Variants in PRAG1 observed in about 807,000 individuals in gnomAD.
The protein encoded by PRAG1 is PEAK1 related, kinase-activating pseudokinase 1.
A neutral mutation model predicts 95.6 loss-of-function variants in PRAG1; 110 were observed. The ratio of observed to expected loss-of-function variants is 1.15; its 90% CI spans 0.99 to 1.35. The LOEUF is 1.35. PRAG1 is among the 40% of genes most tolerant of loss of function. The pLI is 0.00. For missense variants in PRAG1, 2,554 were observed against 1,864.7 expected, an observed-to-expected ratio of 1.37 and a Z score of -6.81; for synonymous variants, 1,052 against 819.4, an observed-to-expected ratio of 1.28 and a Z score of -4.85.
chr8:8,321,490 G>A (rs909479269), intron 5 of PRAG1, among the ~76,000 whole-genome samples: 2 of 152,184 alleles, frequency 1.3e-5, no homozygotes, highest in East Asian at 1.9e-4. Flanking sequence ...TTGCATATAC[G>A]CTGTGTTGTC....
At chr8:8,319,478 T>G (rs891454325) in intron 5 of PRAG1, among the ~76,000 whole-genome samples, 176 bp from the exon 6 acceptor site, 1 of 152,088 alleles carries the variant, frequency 6.6e-6, no homozygotes, top group African/African-American at 2.4e-5. Flanking sequence ...AGGCCTTGGG[T>G]TGGGCAAAGA....
intron 3 of PRAG1, among the ~76,000 whole-genome samples, chr8:8,357,854 T>C (rs1490037520): frequency 6.6e-6 from 1 of 152,190 alleles, no homozygotes; most frequent in African/African-American, 2.4e-5. Flanking sequence ...GAAAAACAAA[T>C]TCAGTTCCTC....
rs201657603 is a variant in PRAG1, at chr8:8,328,199, G to T, written c.2583C>A (p.His861Gln). The change falls in exon 5 of 6, where the codon CAC becomes CAA. Residue 861 changes from histidine to glutamine, a missense_variant. By Grantham distance (24) the His-to-Gln change is conservative. Coordinates refer to ENST00000615670, the MANE Select transcript of PRAG1 (RefSeq NM_001080826.3). ...TCCCGGGGCTCAACGAATAGCTAAA[G>T]TGAGATTCGTCGTGGACGTTGGTTT... ...HSETNVHDES[H>Q]FSYSLSPGNR... 3.7e-4 allele frequency: 592 copies of T among 1,614,130 alleles called. 1 individual carries two copies. The highest frequency in any genetic ancestry group is 4.6e-4 in the Non-Finnish European group (543 of 1,180,056).
intron 3 of PRAG1, among the ~76,000 whole-genome samples, chr8:8,367,348 C>G: frequency 6.6e-6 from 1 of 150,842 alleles, no homozygotes; most frequent in Admixed American, 6.6e-5. Context: ...ATCCCAGCTA[C>G]TCGGGAGGAT....
chr8:8,376,738 C>T lies in PRAG1; in HGVS notation c.1671G>A (p.Pro557=), dbSNP rs749062047. 3.3e-5 allele frequency: 53 copies of T among 1,609,716 alleles called. No individual in the cohort carries two copies. The highest frequency in any genetic ancestry group is 2.5e-4 in the Admixed American group (15 of 59,990). The change falls in exon 3 of 6, where the codon CCG becomes CCA. Residue 557 remains proline, a synonymous_variant. Transcript: ENST00000615670. ...GGGGCCCTCCAGCAGACGGTGACACCGGGGACCCTACAGGGCTACTCTTGG... is the reference window on the plus strand; with the variant it reads ...GGGGCCCTCCAGCAGACGGTGACACTGGGGACCCTACAGGGCTACTCTTGG... ...KLSKSSPVGS[P]VSPSAGGPPV...
At chr8:8,361,816 A>C (rs1477967855) in intron 3 of PRAG1, among the ~76,000 whole-genome samples, 1 of 152,226 alleles carries the variant, frequency 6.6e-6, no homozygotes, top group Non-Finnish European at 1.5e-5. Flanking sequence ...TGAAGCAACA[A>C]TACTTAATCA....
At chr8:8,349,601 G>C (rs901891171) in intron 3 of PRAG1, among the ~76,000 whole-genome samples, 1 of 151,994 alleles carries the variant, frequency 6.6e-6, no homozygotes, top group Non-Finnish European at 1.5e-5. Flanking sequence ...TATTTTTATC[G>C]TTGGAGCTTT....
rs1044727133 is a variant in PRAG1, at chr8:8,327,632, A to C, written c.3072+78T>G. On this transcript the variant is annotated intron_variant, in intron 5 of 5. Coordinates refer to ENST00000615670, the MANE Select transcript of PRAG1 (RefSeq NM_001080826.3). ...TCCTAATGCCCAGACAGGTGAAATGACTTGCTCAGGCCACAGTTCTGCCCA... is the reference window on the plus strand; with the variant it reads ...TCCTAATGCCCAGACAGGTGAAATGCCTTGCTCAGGCCACAGTTCTGCCCA... The C allele has an allele frequency of 1.1e-5, 16 of 1,479,804 alleles. No homozygotes were observed. The Admixed American group carries it at 3.4e-4, about 31-fold the overall frequency. The allele number at this position is 1,479,804 out of a possible 1,614,324, so 91.7% of individuals were successfully genotyped here. A position where few individuals can be genotyped will look rare whatever the true frequency, so the allele number is the denominator to read the frequency against.
Position 8,381,415 on chromosome 8 carries a change from C to A in PRAG1, c.330+3G>T, listed in dbSNP as rs762724628. 6.2e-7 allele frequency: 1 copy of A among 1,601,670 alleles called. No individual in the cohort carries two copies. The highest frequency in any genetic ancestry group is 8.5e-7 in the Non-Finnish European group (1 of 1,170,102). On this transcript the variant is annotated splice_donor_region_variant and intron_variant, in intron 2 of 5. Coordinates refer to ENST00000615670, the MANE Select transcript of PRAG1 (RefSeq NM_001080826.3). The stretch of plus-strand genomic sequence containing the variant: ...AAATACCACGAGTGTTAGTCAGCCT[C>A]ACCTGCGAGACTTCGGCACTCAGGT...
intron 3 of PRAG1, among the ~76,000 whole-genome samples, chr8:8,349,876 G>C (rs1180988932): frequency 4.6e-5 from 7 of 151,066 alleles, no homozygotes; most frequent in Non-Finnish European, 1.0e-4. Context: ...TTCATATTCA[G>C]TAGAAACCAT....
At chr8:8,355,831 G>C (rs747551024) in intron 3 of PRAG1, among the ~76,000 whole-genome samples, 1 of 152,096 alleles carries the variant, frequency 6.6e-6, no homozygotes, top group African/African-American at 2.4e-5. Context: ...TATGAGAAAA[G>C]AACATAGGAA....
intron 1 of PRAG1, among the ~76,000 whole-genome samples, chr8:8,383,040 A>T (rs1800736040): frequency 6.6e-6 from 1 of 152,224 alleles, no homozygotes; most frequent in African/African-American, 2.4e-5. Context: ...GGTTCTCATT[A>T]AATAGGGACC....
Position 8,318,189 on chromosome 8 carries a change from G to C in PRAG1, c.4186C>G (p.Leu1396Val). The change falls in exon 6 of 6, where the codon CTC becomes GTC. Residue 1396 changes from leucine to valine, a missense_variant. Coordinates refer to ENST00000615670, the MANE Select transcript of PRAG1 (RefSeq NM_001080826.3). This position sits in a 1 kb window ranked among gnomAD's most constrained non-coding sequence, Gnocchi z 4.2. ...QYLASAEPGA[L>V]LQSLKLLQLL ...TGCAGGAGCTTCAGCGACTGTAAGA[G>C]GGCCCCGGGCTCCGCAGACGCCAGG... The C allele has an allele frequency of 6.2e-7, 1 of 1,613,934 alleles. No homozygotes were observed. The highest frequency in any genetic ancestry group is 8.5e-7 in the Non-Finnish European group (1 of 1,179,964).
chr8:8,318,509 G>A lies in PRAG1; in HGVS notation c.3866C>T (p.Pro1289Leu), dbSNP rs373007675. 7 of 1,611,542 alleles carry A rather than the reference G, an allele frequency of 4.3e-6. No individual in the cohort carries two copies. In the African/African-American group the frequency reaches 5.3e-5, roughly 12 times the overall value. The change falls in exon 6 of 6, where the codon CCG becomes CTG. Residue 1289 changes from proline (P) to leucine (L), a missense_variant. Physicochemically the swap from Pro to Leu is moderately conservative, Grantham distance 98 (BLOSUM62 -3). Transcript: ENST00000615670. The surrounding 1 kb of genome is among the most constrained non-coding windows in gnomAD (Gnocchi z 4.2). Reference sequence around the variant, plus strand: ...TGAGTAGAGGGACAGCGCGGGCAGCGGCGGCAGGTCCTCCTGCCGGTAGTC... The same window carrying A: ...TGAGTAGAGGGACAGCGCGGGCAGCAGCGGCAGGTCCTCCTGCCGGTAGTC... ...ERDYRQEDLP[P>L]LPALSLYSPG...
intron 3 of PRAG1, among the ~76,000 whole-genome samples, chr8:8,345,651 C>A (rs1486930704): frequency 6.6e-6 from 1 of 152,050 alleles, no homozygotes; most frequent in African/African-American, 2.4e-5. Flanking sequence ...AAAAATTAGC[C>A]AAGCACGGTG....
At chr8:8,328,774 G>GCA (rs1312201973) in intron 4 of PRAG1, among the ~76,000 whole-genome samples, 5 of 149,866 alleles carry the variant, frequency 3.3e-5, no homozygotes, top group Non-Finnish European at 7.4e-5. Context: ...CTGCACGCGT[G>GCA]CGCACACACA....
chr8:8,341,495 C>T (rs1262343487), intron 3 of PRAG1, among the ~76,000 whole-genome samples: 2 of 152,172 alleles, frequency 1.3e-5, no homozygotes, highest in Non-Finnish European at 2.9e-5. Flanking sequence ...CGCACTTTAT[C>T]AGGCTAAGGA....
chr8:8,385,716 T>A (rs998497047), intron 1 of PRAG1, among the ~76,000 whole-genome samples: 1 of 152,172 alleles, frequency 6.6e-6, no homozygotes, highest in African/African-American at 2.4e-5. Context: ...GCCGCCTCCA[T>A]GCCCAGCAGA....
intron 4 of PRAG1, among the ~76,000 whole-genome samples, chr8:8,330,509 GC>G (rs1219744180): frequency 6.6e-6 from 1 of 152,200 alleles, no homozygotes; most frequent in Non-Finnish European, 1.5e-5. Flanking sequence ...GATAGGCGGG[GC>G]CCCTGGCAGC....
Sources: gnomAD v4.1 joint callset for allele counts (sites outside exome capture counted in the v4.1 genomes callset) on GRCh38, gnomAD v4.1.1 for gene constraint, Gnocchi (gnomAD v3.1) non-coding constraint, MANE v1.5 for transcripts, NCBI Gene and HGNC (gene_info 2026-07-23, HGNC 2026-07-21) for gene names.